The following MAF variants were observed in gnomAD, a reference collection of about 807,000 sequenced individuals.
MAF encodes the protein MAF bZIP transcription factor.
MAF carries 10 observed loss-of-function variants against 22.0 expected under a neutral mutation model. That is an observed-to-expected ratio of 0.45 (90% CI 0.28 to 0.77). The LOEUF is 0.77. Among genes scored for constraint, MAF ranks in the 30% least tolerant of loss-of-function variants. MAF has a pLI of 0.12. For synonymous variants in MAF, 337 were observed against 255.8 expected (o/e 1.32, Z -3.03); for missense variants, 544 against 548.4 (o/e 0.99, Z 0.08).
the MAF span, among the ~76,000 whole-genome samples, chr16:79,215,254 T>A: frequency 4.6e-5 from 7 of 152,120 alleles, no homozygotes; most frequent in African/African-American, 1.4e-4. Flanking sequence ...CCATCTTTTT[T>A]CCTTTTAAAC....
the MAF span, among the ~76,000 whole-genome samples, chr16:79,514,556 T>C: frequency 3.3e-5 from 5 of 152,216 alleles, no homozygotes; most frequent in African/African-American, 1.2e-4. Context: ...TTTCCCTGCA[T>C]GGTAGCCACA....
chr16:79,486,087 G>C, the MAF span, among the ~76,000 whole-genome samples: 1 of 152,280 alleles, frequency 6.6e-6, no homozygotes, highest in South Asian at 2.1e-4. Context: ...TGATTACGGA[G>C]TGTCTCGCAT....
At chr16:79,335,077 C>T in the MAF span, among the ~76,000 whole-genome samples, 6 of 150,356 alleles carry the variant, frequency 4.0e-5, no homozygotes, top group South Asian at 2.1e-4. Context: ...CCCAGCTACT[C>T]GGGAGGCTGA....
the MAF span, among the ~76,000 whole-genome samples, chr16:79,533,777 G>A: frequency 6.6e-6 from 1 of 152,292 alleles, no homozygotes; most frequent in East Asian, 1.9e-4. Context: ...CAGCCGATTA[G>A]CTCTGCGTGT....
the MAF span, among the ~76,000 whole-genome samples, chr16:79,523,778 T>C: frequency 6.6e-6 from 1 of 152,152 alleles, no homozygotes; most frequent in African/African-American, 2.4e-5. Context: ...AAGTGCTAAG[T>C]CCTAAAATCA....
the MAF span, among the ~76,000 whole-genome samples, chr16:79,223,757 T>C: frequency 3.3e-5 from 5 of 152,114 alleles, no homozygotes; most frequent in Non-Finnish European, 5.9e-5. Flanking sequence ...CTAGAAAATC[T>C]AGAAGAAATG....
At chr16:79,293,939 C>G in the MAF span, among the ~76,000 whole-genome samples, 1 of 152,098 alleles carries the variant, frequency 6.6e-6, no homozygotes, top group Non-Finnish European at 1.5e-5. Context: ...CCCATGTACT[C>G]CACGGTTGGT....
chr16:79,596,662 T>C (rs1453803255), intron 1 of MAF: 2 of 1,037,200 alleles, frequency 1.9e-6, no homozygotes, highest in Non-Finnish European at 2.3e-6. Flanking sequence ...ATATTTATTG[T>C]GGTAAGATTT....
At chr16:79,595,984 G>C (rs1424584658) in intron 1 of MAF, 4 of 1,060,884 alleles carry the variant, frequency 3.8e-6, no homozygotes, top group Non-Finnish European at 4.6e-6. Context: ...ATCTTGTCAG[G>C]CCTTGCTAAC....
the MAF span, among the ~76,000 whole-genome samples, chr16:79,477,093 A>G: frequency 6.6e-6 from 1 of 152,200 alleles, no homozygotes; most frequent in Non-Finnish European, 1.5e-5. Flanking sequence ...GAGGGGAACA[A>G]GGATGCTAGC....
the MAF span, among the ~76,000 whole-genome samples, chr16:79,541,722 T>C: frequency 4.1e-5 from 6 of 146,128 alleles, no homozygotes; most frequent in Non-Finnish European, 7.5e-5. Context: ...TGGAGTGCAA[T>C]CTTAGCTCAC....
the MAF span, among the ~76,000 whole-genome samples, chr16:79,220,018 T>C: frequency 4.0e-5 from 6 of 151,826 alleles, no homozygotes; most frequent in African/African-American, 1.5e-4. Flanking sequence ...TTCTTTGGGA[T>C]GCCAAGGTGG....
chr16:79,349,445 C>T, the MAF span, among the ~76,000 whole-genome samples: 1 of 152,228 alleles, frequency 6.6e-6, no homozygotes, highest in Admixed American at 6.5e-5. Context: ...CCCCTTCTCT[C>T]TTGTACATCC....
At chr16:79,226,444 G>A in the MAF span, among the ~76,000 whole-genome samples, 341 of 152,138 alleles carry the variant, frequency 2.2e-3, 1 homozygote, top group African/African-American at 7.9e-3. Flanking sequence ...GGGTTGATGG[G>A]TGCAACAAAC....
At chr16:79,327,090 G>A in the MAF span, among the ~76,000 whole-genome samples, 1 of 152,214 alleles carries the variant, frequency 6.6e-6, no homozygotes, top group Non-Finnish European at 1.5e-5. Context: ...AACAGGGGGT[G>A]GCATGCAGTA....
At chr16:79,446,526 A>G in the MAF span, among the ~76,000 whole-genome samples, 119,360 of 152,126 alleles carry the variant, frequency 0.78, 47,902 homozygotes, top group East Asian at 0.97. Flanking sequence ...TGATCACTAA[A>G]AAGATAAAGG....
the MAF span, among the ~76,000 whole-genome samples, chr16:79,258,263 A>G: frequency 6.6e-6 from 1 of 152,110 alleles, no homozygotes; most frequent in Non-Finnish European, 1.5e-5. Context: ...TCTGCTCGTA[A>G]AACATGTGCA....
At chr16:79,598,720 A>G in intron 1 of MAF, 65 bp downstream of exon 1, 1 of 1,606,700 alleles carries the variant, frequency 6.2e-7, no homozygotes, top group Non-Finnish European at 8.5e-7. Context: ...GCAAGCCCAC[A>G]CCCGAGCCGG....
chr16:79,288,834 A>G, the MAF span, among the ~76,000 whole-genome samples: 1 of 152,116 alleles, frequency 6.6e-6, no homozygotes, highest in Non-Finnish European at 1.5e-5. Flanking sequence ...GGTTCAAGCA[A>G]TTCTCCTGCC....
Sources: gnomAD v4.1 joint callset for allele counts (sites outside exome capture counted in the v4.1 genomes callset) on GRCh38, gnomAD v4.1.1 for gene constraint, MANE v1.5 for transcripts, NCBI Gene and HGNC (gene_info 2026-07-23, HGNC 2026-07-21) for gene names.